Variants in NAALADL2 observed in about 807,000 individuals in gnomAD.
The protein encoded by NAALADL2 is inactive N-acetylated-alpha-linked acidic dipeptidase-like protein 2.
A neutral mutation model predicts 87.2 loss-of-function variants in NAALADL2; 76 were observed. The ratio of observed to expected loss-of-function variants is 0.87; its 90% CI spans 0.72 to 1.05. The LOEUF is 1.05. Ranked by LOEUF, NAALADL2 falls within the 50% of genes least tolerant of loss-of-function variation. The pLI is 0.00. For missense variants in NAALADL2, 1,089 were observed against 945.8 expected (o/e 1.15, Z -1.99); for synonymous variants, 354 against 331.0 (o/e 1.07, Z -0.75).
intron 1 of NAALADL2, among the ~76,000 whole-genome samples, chr3:174,996,896 T>C (rs561600684): frequency 2.6e-5 from 4 of 152,096 alleles, no homozygotes; most frequent in Non-Finnish European, 5.9e-5. Context: ...TATTTGGTTT[T>C]CCATTCATGA....
chr3:174,963,023 T>C (rs957312543), intron 1 of NAALADL2, among the ~76,000 whole-genome samples: 1 of 152,202 alleles, frequency 6.6e-6, no homozygotes, highest in African/African-American at 2.4e-5. Context: ...TTTTTCATTG[T>C]GGCCTTGTTA....
chr3:174,852,772 A>G (rs1725401238), intron 3 of NAALADL2, among the ~76,000 whole-genome samples: 1 of 152,170 alleles, frequency 6.6e-6, no homozygotes, highest in African/African-American at 2.4e-5. Flanking sequence ...CCTGATCAGA[A>G]AGAACAAAGC....
intron 8 of NAALADL2, among the ~76,000 whole-genome samples, chr3:175,470,322 A>G (rs1384634412): frequency 1.3e-5 from 2 of 152,086 alleles, no homozygotes; most frequent in South Asian, 2.1e-4. Flanking sequence ...ATAGAGTATG[A>G]TACATTTCAA....
At chr3:175,584,356 A>T (rs1222853447) in intron 10 of NAALADL2, among the ~76,000 whole-genome samples, 1 of 151,776 alleles carries the variant, frequency 6.6e-6, no homozygotes, top group African/African-American at 2.4e-5. Context: ...CACTTTTATT[A>T]TAGATGAGGA....
intron 9 of NAALADL2, among the ~76,000 whole-genome samples, chr3:175,501,453 T>C (rs567384114): frequency 2.1e-5 from 1 of 47,784 alleles, no homozygotes; most frequent in South Asian, 8.3e-4. Flanking sequence ...AAAGGCAGCA[T>C]ATGATTCTCA....
chr3:175,367,110 A>G (rs538171434), intron 5 of NAALADL2, among the ~76,000 whole-genome samples: 21 of 151,358 alleles, frequency 1.4e-4, no homozygotes, highest in Admixed American at 4.6e-4. Context: ...CATTTATTAA[A>G]TAGGGAATCC....
chr3:174,730,612 T>C (rs1462656335), intron 2 of NAALADL2, among the ~76,000 whole-genome samples: 2 of 152,172 alleles, frequency 1.3e-5, no homozygotes, highest in African/African-American at 2.4e-5. Flanking sequence ...TACCTTTTTT[T>C]AAGACTAGGA....
intron 1 of NAALADL2, among the ~76,000 whole-genome samples, chr3:174,871,565 C>A (rs1181975066): frequency 6.6e-6 from 1 of 152,176 alleles, no homozygotes; most frequent in African/African-American, 2.4e-5. Context: ...CTCTATACAT[C>A]TTTCTGCTGA....
chr3:175,512,045 CAGCCTG>C (rs1329523071), intron 9 of NAALADL2, among the ~76,000 whole-genome samples: 1 of 152,004 alleles, frequency 6.6e-6, no homozygotes, highest in African/African-American at 2.4e-5. Context: ...AGTTAGAGAC[CAGCCTG>C]AGCAACATAG....
chr3:175,586,495 A>T (rs1167992353), intron 10 of NAALADL2, among the ~76,000 whole-genome samples: 1 of 152,218 alleles, frequency 6.6e-6, no homozygotes, highest in Non-Finnish European at 1.5e-5. Flanking sequence ...AGTATTTACC[A>T]GTATTTTGAT....
At chr3:175,074,126 T>C (rs1716161008) in intron 1 of NAALADL2, among the ~76,000 whole-genome samples, 1 of 152,078 alleles carries the variant, frequency 6.6e-6, no homozygotes, top group Non-Finnish European at 1.5e-5. Context: ...AGGTTCTCAA[T>C]AGCTGTTAAA....
chr3:175,562,386 A>G (rs1458982032), intron 9 of NAALADL2, among the ~76,000 whole-genome samples: 1 of 152,068 alleles, frequency 6.6e-6, no homozygotes, highest in Non-Finnish European at 1.5e-5. Context: ...AATGTATTTT[A>G]TGTATTATGT....
At chr3:174,519,733 G>A (rs1159190750) in intron 1 of NAALADL2, among the ~76,000 whole-genome samples, 2 of 151,804 alleles carry the variant, frequency 1.3e-5, no homozygotes, top group East Asian at 3.9e-4. Context: ...AGAATTAAAA[G>A]CAAAAATCTT....
At chr3:175,125,404 C>T (rs902917133) in intron 2 of NAALADL2, among the ~76,000 whole-genome samples, 7 of 151,746 alleles carry the variant, frequency 4.6e-5, no homozygotes, top group African/African-American at 9.7e-5. Context: ...CTGAAAATAG[C>T]GCTAAGTGGG....
At chr3:175,318,911 C>G (rs1269573446) in intron 4 of NAALADL2, among the ~76,000 whole-genome samples, 1 of 152,196 alleles carries the variant, frequency 6.6e-6, no homozygotes, top group Non-Finnish European at 1.5e-5. Context: ...TGCCTTCTTT[C>G]ATTTAGCATG....
intron 2 of NAALADL2, among the ~76,000 whole-genome samples, chr3:175,218,707 T>A (rs1742903423): frequency 6.6e-6 from 1 of 152,156 alleles, no homozygotes. Flanking sequence ...ATTGGCTATA[T>A]CTGTGAGACT....
At chr3:175,018,782 T>C (rs1480469495) in intron 1 of NAALADL2, among the ~76,000 whole-genome samples, 1 of 152,064 alleles carries the variant, frequency 6.6e-6, no homozygotes, top group Non-Finnish European at 1.5e-5. Flanking sequence ...CAAAAGAGCA[T>C]GCAAAGTTTA....
chr3:175,724,283 A>G (rs903287004), intron 11 of NAALADL2, among the ~76,000 whole-genome samples: 5 of 152,194 alleles, frequency 3.3e-5, no homozygotes, highest in African/African-American at 9.6e-5. Flanking sequence ...AACTATTAAT[A>G]TAAGAGTCCT....
chr3:175,473,061 A>C (rs79229627), intron 9 of NAALADL2, among the ~76,000 whole-genome samples: 2 of 152,118 alleles, frequency 1.3e-5, no homozygotes, highest in Non-Finnish European at 2.9e-5. Context: ...GAGAATCTTG[A>C]AAGATATTTA....
Sources: gnomAD v4.1 joint callset for allele counts (sites outside exome capture counted in the v4.1 genomes callset) on GRCh38, gnomAD v4.1.1 for gene constraint, MANE v1.5 for transcripts, NCBI Gene and HGNC (gene_info 2026-07-23, HGNC 2026-07-21) for gene names.